NEK4: variants seen among roughly 807,000 people sequenced by gnomAD.
NEK4 encodes the protein serine/threonine-protein kinase Nek4.
NEK4 carries 86 observed loss-of-function variants against 98.4 expected under a neutral mutation model. The observed-to-expected ratio is 0.87, with a 90% CI of 0.73 to 1.05. The LOEUF is 1.05. NEK4 is among the 50% of genes least tolerant of loss of function. The pLI, the probability that NEK4 is intolerant of heterozygous loss-of-function variation, is 0.00. For missense variants in NEK4, 898 were observed against 950.3 expected, an observed-to-expected ratio of 0.94 and a Z score of 0.72; for synonymous variants, 328 against 342.2, an observed-to-expected ratio of 0.96 and a Z score of 0.46.
chr3:52,748,158 G>A (rs1156751868), intron 8 of NEK4, among the ~76,000 whole-genome samples: 3 of 150,290 alleles, frequency 2.0e-5, no homozygotes, highest in African/African-American at 4.9e-5. Context: ...TAGTAGAGAC[G>A]GCGTTTCACT....
In NEK4 at chr3:52,770,801, G is replaced by A; in HGVS notation, c.-55C>T. ...CGGCGGCAGCGGCGGGTAGGGCAGC[G>A]GGCGGCAACAAGAAGCTCGGTTCAT... is the stretch of plus-strand genomic sequence containing the variant. On this transcript the variant is annotated 5_prime_UTR_variant, in exon 1 of 16. Transcript: ENST00000233027. 1 of 1,467,936 alleles carries A rather than the reference G, an allele frequency of 6.8e-7. No homozygotes were observed. The allele number at this position is 1,467,936 out of a possible 1,614,324, so 90.9% of individuals were successfully genotyped here.
At position 52,770,918 on chromosome 3, in the gene NEK4, C is replaced by A; in HGVS notation, c.-172G>T. ...GCCCGCGACGACGCCGCTGCCATAG[C>A]GATCCGGGCCGGGAGCAGTTCTGCG... On this transcript the variant is annotated 5_prime_UTR_variant, in exon 1 of 16. Transcript: ENST00000233027. 1 of 613,032 alleles carries A rather than the reference C, an allele frequency of 1.6e-6. No homozygotes were observed. The highest frequency in any genetic ancestry group is 2.0e-5 in the South Asian group (1 of 51,280). 38.0% of individuals were successfully genotyped at this position (613,032 alleles called of 1,614,324 possible).
At chr3:52,741,149 C>T (rs561241752) in intron 13 of NEK4, among the ~76,000 whole-genome samples, 11 of 147,866 alleles carry the variant, frequency 7.4e-5, no homozygotes, top group East Asian at 4.1e-4. Context: ...GTCAGGAGAA[C>T]GGTGTGAACC....
rs56827006 is a variant in NEK4 at position 52,764,778 on chromosome 3, G to GCACA, written c.666+1105_666+1108dup. On this transcript the variant is annotated intron_variant, in intron 4 of 15. Transcript: ENST00000233027. ...CGTGCGCATGCACACACACACACAT[G>GCACA]CACACACACACACACACACACACAC... Among the ~76,000 whole-genome samples the GCACA allele has an allele frequency of 8.0e-3, 1,157 of 144,992 alleles. 5 individuals carry two copies. The highest frequency in any genetic ancestry group is 0.01 in the Admixed American group (149 of 14,814).
At chr3:52,712,059 A>G (rs978198513) in intron 15 of NEK4, among the ~76,000 whole-genome samples, 190 bp from the exon 16 acceptor site, 11 of 152,240 alleles carry the variant, frequency 7.2e-5, no homozygotes, top group African/African-American at 2.7e-4. Flanking sequence ...TTAAAGAGCA[A>G]ACAAACAATA....
Position 52,770,658 on chromosome 3 carries a change from T to C in NEK4, c.89A>G (p.Lys30Arg). 1.3e-6 allele frequency: 2 copies of C among 1,545,626 alleles called. No individual in the cohort carries two copies. Among genetic ancestry groups the C allele is most frequent in the African/African-American group, 1.4e-5 (1 of 72,726 alleles). ...CCGGGCCCCACCCCTGCAGACCTGCTTGCCGTCCCGCCGGTGCTTCACAAG... is the reference window on the plus strand; with the variant it reads ...CCGGGCCCCACCCCTGCAGACCTGCCTGCCGTCCCGCCGGTGCTTCACAAG... ...VTLVKHRRDG[K>R]QYVIKKLNLR... is the part of the protein sequence containing the mutation. The change falls in exon 1 of 16, where the codon AAG (lysine) becomes AGG (arginine). Residue 30 changes from lysine (K) to arginine (R), a missense_variant. By Grantham distance (26) the Lys-to-Arg change is conservative. Coordinates refer to ENST00000233027, the MANE Select transcript of NEK4 (RefSeq NM_003157.6).
In NEK4 at chr3:52,768,757, C is replaced by T. The variant is rs534086714; in HGVS notation, c.94-153G>A. On this transcript the variant is annotated intron_variant, in intron 1 of 15. Coordinates refer to ENST00000233027, the MANE Select transcript of NEK4 (RefSeq NM_003157.6). Reference sequence around the variant, plus strand: ...TTTTGTTTTTCACCAAGCACAAAATCGGGGAAAATATTTGCTATTATTGAT... The same window carrying T: ...TTTTGTTTTTCACCAAGCACAAAATTGGGGAAAATATTTGCTATTATTGAT... Among the ~76,000 whole-genome samples, 4 of 152,186 alleles carry T rather than the reference C, an allele frequency of 2.6e-5. No individual in the cohort carries two copies. The South Asian group carries it at 8.3e-4, about 32-fold the overall frequency.
chr3:52,713,284 A>G (rs2097352113), intron 15 of NEK4, among the ~76,000 whole-genome samples: 1 of 152,138 alleles, frequency 6.6e-6, no homozygotes, highest in Non-Finnish European at 1.5e-5. Context: ...ACCTAAATCT[A>G]TTCATGAGAA....
rs1578709209 is a variant in NEK4, at chr3:52,766,500, T to C, written c.361-125A>G. 5 of 651,346 alleles carry C rather than the reference T, an allele frequency of 7.7e-6. No individual in the cohort carries two copies. In the East Asian group the frequency reaches 1.4e-4, roughly 18 times the overall value. The allele number at this position is 651,346 out of a possible 1,614,324, so 40.3% of individuals were successfully genotyped here. On this transcript the variant is annotated intron_variant, in intron 2 of 15. Coordinates refer to ENST00000233027, the MANE Select transcript of NEK4 (RefSeq NM_003157.6). ...TTTGACCGTAAAGAGTAACCAACCA[T>C]ACAATTCCTTATTCAACAAGCAAAT...
At chr3:52,746,665 T>G in intron 9 of NEK4, 69 bp downstream of exon 9, 1 of 1,416,314 alleles carries the variant, frequency 7.1e-7, no homozygotes, top group East Asian at 2.3e-5. Context: ...TTTTGGCAAT[T>G]GTTAATTGCT....
intron 15 of NEK4, among the ~76,000 whole-genome samples, chr3:52,717,396 G>C (rs1023940014): frequency 8.8e-5 from 12 of 136,770 alleles, no homozygotes; most frequent in African/African-American, 3.4e-4. Context: ...GACAAAGCAA[G>C]ACTCCATCTC....
At chr3:52,725,057 T>C (rs2097363255) in intron 15 of NEK4, among the ~76,000 whole-genome samples, 1 of 152,210 alleles carries the variant, frequency 6.6e-6, no homozygotes, top group African/African-American at 2.4e-5. Context: ...AATTTCTTTT[T>C]TTTGTTTTCT....
At chr3:52,730,727 T>C (rs1219859968) in intron 15 of NEK4, among the ~76,000 whole-genome samples, 1 of 152,112 alleles carries the variant, frequency 6.6e-6, no homozygotes, top group East Asian at 1.9e-4. Context: ...CTTTCTTTCT[T>C]AGATGGTTGG....
rs200747245 is a variant in NEK4 at position 52,720,345 on chromosome 3, GA to G, written c.2434-8477del. 1.0e-3 allele frequency among the ~76,000 whole-genome samples: 152 copies of G among 148,878 alleles called. 1 individual carries two copies. Among genetic ancestry groups the G allele is most frequent in the African/African-American group, 3.7e-3 (148 of 40,546 alleles). On this transcript the variant is annotated intron_variant, in intron 15 of 15. Coordinates refer to ENST00000233027, the MANE Select transcript of NEK4 (RefSeq NM_003157.6). ...CTGTCTCAAAAAAAAGAAAGAAGCA[GA>G]AAAAAAAAATTTTAAGAAATAATGC...
chr3:52,759,378 G>A (rs1324626179), intron 6 of NEK4, among the ~76,000 whole-genome samples: 3 of 149,064 alleles, frequency 2.0e-5, no homozygotes, highest in African/African-American at 7.5e-5. Context: ...TCCAGCCTAG[G>A]CAACAGAGCA....
intron 5 of NEK4, among the ~76,000 whole-genome samples, chr3:52,762,073 C>T (rs1698377971): frequency 6.6e-6 from 1 of 152,198 alleles, no homozygotes; most frequent in Non-Finnish European, 1.5e-5. Context: ...CTAGCACTGC[C>T]TCCTCTCTTT....
At chr3:52,732,234 G>T (rs2097370516) in intron 15 of NEK4, among the ~76,000 whole-genome samples, 1 of 151,864 alleles carries the variant, frequency 6.6e-6, no homozygotes, top group Admixed American at 6.6e-5. Flanking sequence ...TCTCTCAGTT[G>T]CCCAGGCTGA....
Position 52,711,194 on chromosome 3 carries a change from T to C in NEK4, c.*583A>G, listed in dbSNP as rs2097350020. 6.6e-6 allele frequency: 1 copy of C among 152,366 alleles called. No homozygotes were observed. Among genetic ancestry groups the C allele is most frequent in the Non-Finnish European group, 1.5e-5 (1 of 68,034 alleles). The allele number at this position is 152,366 out of a possible 1,614,324, so 9.4% of individuals were successfully genotyped here. A position where few individuals can be genotyped will look rare whatever the true frequency, so the allele number is the denominator to read the frequency against. ...TATATACCCTAGATGAGGTTTATAT[T>C]AAATGAGAATAAAATATTAAAAGTC... On this transcript the variant is annotated 3_prime_UTR_variant, in exon 16 of 16. Transcript: ENST00000233027.
intron 13 of NEK4, among the ~76,000 whole-genome samples, chr3:52,740,080 C>A (rs1250868164): frequency 1.3e-5 from 2 of 152,126 alleles, no homozygotes; most frequent in African/African-American, 4.8e-5. Context: ...TACTCAAGTA[C>A]AAAGCTCAAG....
Sources: gnomAD v4.1 joint callset for allele counts (sites outside exome capture counted in the v4.1 genomes callset) on GRCh38, gnomAD v4.1.1 for gene constraint, MANE v1.5 for transcripts, NCBI Gene and HGNC (gene_info 2026-07-23, HGNC 2026-07-21) for gene names.